DLGAP5: variants seen among roughly 807,000 people sequenced by gnomAD.
The protein encoded by DLGAP5 is DLG associated protein 5, also known as disks large-associated protein 5.
DLGAP5 carries 90 observed loss-of-function variants against 99.6 expected under a neutral mutation model. The ratio of observed to expected loss-of-function variants is 0.90; its 90% confidence interval spans 0.76 to 1.08. DLGAP5 has a LOEUF of 1.08. Among genes scored for constraint, DLGAP5 ranks in the 50% least tolerant of loss-of-function variants. The probability of loss-of-function intolerance (pLI) is 0.00; values close to 1 mark genes in which losing one functional copy is unlikely to be tolerated. For missense variants in DLGAP5, 1,036 were observed against 983.5 expected, an observed-to-expected ratio of 1.05 and a Z score of -0.71; for synonymous variants, 311 against 321.3, an observed-to-expected ratio of 0.97 and a Z score of 0.34.
intron 10 of DLGAP5, among the ~76,000 whole-genome samples, chr14:55,173,270 TACAAAAAAAAAAAAAA>T (rs1323936410): frequency 0.023 from 570 of 24,636 alleles, 1 homozygote; most frequent in African/African-American, 0.13. Flanking sequence ...CCCCCGTCTC[TACAAAAAAAAAAAAAA>T]ACAAAAAAAA....
At chr14:55,168,789 C>T (rs1882737586) in intron 12 of DLGAP5, among the ~76,000 whole-genome samples, 1 of 152,164 alleles carries the variant, frequency 6.6e-6, no homozygotes, top group Admixed American at 6.6e-5. Context: ...GTTAGCTGAA[C>T]TCAACTACCA....
intron 10 of DLGAP5, among the ~76,000 whole-genome samples, chr14:55,173,640 C>T (rs1403239023): frequency 2.0e-5 from 3 of 151,828 alleles, no homozygotes; most frequent in Non-Finnish European, 4.4e-5. Flanking sequence ...AGTCAGGGAC[C>T]CCAAACGGAG....
At chr14:55,169,356 A>AAG (rs758140106) in intron 12 of DLGAP5, 43 bp downstream of exon 12, 1 of 1,359,844 alleles carries the variant, frequency 7.4e-7, no homozygotes, top group Admixed American at 2.8e-5. Flanking sequence ...AAAAAAAAAA[A>AAG]AAAAGCCCTA....
At chr14:55,170,642 A>G (rs1882824832) in intron 11 of DLGAP5, 60 bp downstream of exon 11, 3 of 1,358,860 alleles carry the variant, frequency 2.2e-6, no homozygotes, top group Non-Finnish European at 3.1e-6. Context: ...TTTATGTTTC[A>G]GATAAACGTA....
chr14:55,153,655 T>C (rs1293530559), intron 15 of DLGAP5, among the ~76,000 whole-genome samples: 1 of 152,224 alleles, frequency 6.6e-6, no homozygotes, highest in Non-Finnish European at 1.5e-5. Context: ...GTTGCTTATT[T>C]GTATGATGCC....
At chr14:55,178,200 C>T (rs186184986) in intron 7 of DLGAP5, among the ~76,000 whole-genome samples, 15 of 151,798 alleles carry the variant, frequency 9.9e-5, no homozygotes, top group Admixed American at 4.6e-4. Context: ...TGCAGTGAGC[C>T]GAGATCGTGT....
intron 12 of DLGAP5, among the ~76,000 whole-genome samples, chr14:55,166,713 G>T (rs533581173): frequency 4.0e-5 from 6 of 151,746 alleles, no homozygotes; most frequent in African/African-American, 1.4e-4. Context: ...TGGGCAACAA[G>T]AGTGAAACTC....
At chr14:55,181,670 C>T (rs1315444646) in intron 4 of DLGAP5, among the ~76,000 whole-genome samples, 1 of 152,174 alleles carries the variant, frequency 6.6e-6, no homozygotes, top group Non-Finnish European at 1.5e-5. Flanking sequence ...GTTCTCTTCT[C>T]CACTTCCATA....
intron 10 of DLGAP5, 42 bp downstream of exon 10, chr14:55,175,304 A>G (rs1241972490): frequency 6.3e-7 from 1 of 1,580,074 alleles, no homozygotes; most frequent in South Asian, 1.2e-5. Flanking sequence ...AAATGTCTAG[A>G]TATTAATACA....
At chr14:55,168,403 T>A (rs1205954765) in intron 12 of DLGAP5, among the ~76,000 whole-genome samples, 1 of 152,248 alleles carries the variant, frequency 6.6e-6, no homozygotes, top group Non-Finnish European at 1.5e-5. Context: ...TTTGAGAATA[T>A]GAATACTTGC....
At chr14:55,160,942 G>A (rs1044227303) in intron 13 of DLGAP5, among the ~76,000 whole-genome samples, 6 of 150,160 alleles carry the variant, frequency 4.0e-5, no homozygotes, top group Admixed American at 4.0e-4. Context: ...AAATGGGGGT[G>A]TACAAGTAAT....
At chr14:55,185,908 A>G (rs1454150127) in intron 2 of DLGAP5, among the ~76,000 whole-genome samples, 1 of 152,260 alleles carries the variant, frequency 6.6e-6, no homozygotes, top group African/African-American at 2.4e-5. Flanking sequence ...ATTTTGCTGC[A>G]GTTGTTTAAA....
intron 7 of DLGAP5, 33 bp from the exon 8 acceptor site, chr14:55,177,369 T>C: frequency 6.5e-7 from 1 of 1,541,568 alleles, no homozygotes; most frequent in Non-Finnish European, 8.7e-7. Context: ...AGAGTAAGAT[T>C]TCTCTCTTCT....
chr14:55,162,215 A>C (rs1206196583), intron 13 of DLGAP5, among the ~76,000 whole-genome samples: 1 of 152,218 alleles, frequency 6.6e-6, no homozygotes, highest in Non-Finnish European at 1.5e-5. Context: ...GACTGTTGTA[A>C]GGATTAATAT....
chr14:55,178,043 G>C (rs550402969), intron 7 of DLGAP5, among the ~76,000 whole-genome samples: 7 of 151,126 alleles, frequency 4.6e-5, no homozygotes, highest in African/African-American at 7.3e-5. Flanking sequence ...ACAAGGTCGG[G>C]AGATCGAGAC....
intron 2 of DLGAP5, 103 bp downstream of exon 2, chr14:55,188,839 T>A: frequency 1.4e-6 from 1 of 736,260 alleles, no homozygotes. Context: ...TATAGAATGG[T>A]ATTTCAAAAC....
intron 16 of DLGAP5, 107 bp from the exon 17 acceptor site, chr14:55,152,048 C>T (rs1433813917): frequency 9.9e-6 from 10 of 1,012,348 alleles, no homozygotes; most frequent in South Asian, 1.6e-5. Context: ...GATGACATCC[C>T]GGACACAGTC....
intron 13 of DLGAP5, among the ~76,000 whole-genome samples, chr14:55,162,083 A>T: frequency 6.7e-6 from 1 of 148,756 alleles, no homozygotes; most frequent in African/African-American, 2.6e-5. Context: ...CTTAGTTTGA[A>T]AAGTGTCCAC....
intron 1 of DLGAP5, 23 bp from the exon 2 acceptor site, chr14:55,189,203 C>T: frequency 1.3e-6 from 2 of 1,567,094 alleles, no homozygotes; most frequent in Non-Finnish European, 1.8e-6. Context: ...AGGACAAAAC[C>T]CAACTTACAT....
Sources: gnomAD v4.1 joint callset for allele counts (sites outside exome capture counted in the v4.1 genomes callset) on GRCh38, gnomAD v4.1.1 for gene constraint, MANE v1.5 for transcripts, NCBI Gene and HGNC (gene_info 2026-07-23, HGNC 2026-07-21) for gene names.